The following RAB38 variants were observed in gnomAD, a reference collection of about 807,000 sequenced individuals.
RAB38 encodes the protein RAB38, member RAS oncogene family, also known as ras-related protein Rab-38.
RAB38 carries 15 observed loss-of-function variants against 18.4 expected under a neutral mutation model. The ratio of observed to expected loss-of-function variants is 0.82; its 90% confidence interval spans 0.55 to 1.26. RAB38 has a LOEUF of 1.26. Ranked by LOEUF, RAB38 falls within the 50% of genes most tolerant of loss-of-function variation. The pLI is 0.00. For synonymous variants in RAB38, 101 were observed against 104.4 expected (o/e 0.97, Z 0.20); for missense variants, 294 against 267.4 (o/e 1.10, Z -0.69).
chr11:87,828,062 G>A, the RAB38 span, among the ~76,000 whole-genome samples: 1 of 152,120 alleles, frequency 6.6e-6, no homozygotes, highest in African/African-American at 2.4e-5. Flanking sequence ...GGTAATATTA[G>A]TGTTAGCTGA....
the RAB38 span, among the ~76,000 whole-genome samples, chr11:88,075,885 A>C: frequency 3.6e-5 from 5 of 140,164 alleles, no homozygotes; most frequent in Non-Finnish European, 6.0e-5. Flanking sequence ...TGTCTCAAAA[A>C]AAAGAAAACA....
the RAB38 span, among the ~76,000 whole-genome samples, chr11:88,011,724 G>A: frequency 2.0e-5 from 3 of 152,132 alleles, no homozygotes; most frequent in African/African-American, 7.2e-5. Context: ...AGTTCTTCAA[G>A]ACAACCTCAT....
At chr11:88,023,990 A>C in the RAB38 span, among the ~76,000 whole-genome samples, 1 of 152,088 alleles carries the variant, frequency 6.6e-6, no homozygotes, top group East Asian at 1.9e-4. Context: ...TCTGGGCAAA[A>C]ATTTCTTGAG....
chr11:87,804,049 C>A, the RAB38 span, among the ~76,000 whole-genome samples: 1 of 152,174 alleles, frequency 6.6e-6, no homozygotes, highest in African/African-American at 2.4e-5. Flanking sequence ...ACTTGGGTGA[C>A]CAAAACCGTG....
the RAB38 span, among the ~76,000 whole-genome samples, chr11:88,044,377 T>C: frequency 9.1e-3 from 1,382 of 152,116 alleles, 67 homozygotes; most frequent in Non-Finnish European, 3.2e-3. Context: ...GTCTCTACTC[T>C]CTTTTCTCTG....
chr11:88,079,519 G>C, the RAB38 span, among the ~76,000 whole-genome samples: 1 of 151,640 alleles, frequency 6.6e-6, no homozygotes. Context: ...ACTCTTCTAA[G>C]AATTTGAAGA....
the RAB38 span, among the ~76,000 whole-genome samples, chr11:87,975,047 T>C: frequency 3.3e-5 from 5 of 151,982 alleles, no homozygotes; most frequent in Admixed American, 6.6e-5. Flanking sequence ...CTCCAGGTGA[T>C]TGCCAGCAAT....
the RAB38 span, among the ~76,000 whole-genome samples, chr11:87,952,937 T>C: frequency 8.6e-5 from 13 of 151,926 alleles, no homozygotes; most frequent in Non-Finnish European, 1.6e-4. Flanking sequence ...AGACAATAAG[T>C]ATTTTTCATG....
the RAB38 span, among the ~76,000 whole-genome samples, chr11:88,105,604 A>G: frequency 6.6e-6 from 1 of 152,132 alleles, no homozygotes; most frequent in Non-Finnish European, 1.5e-5. Flanking sequence ...GATTCTATGT[A>G]TAGGTTATGT....
At chr11:87,891,791 T>C in the RAB38 span, among the ~76,000 whole-genome samples, 1 of 151,856 alleles carries the variant, frequency 6.6e-6, no homozygotes, top group Non-Finnish European at 1.5e-5. Context: ...ACAGAAAGAA[T>C]ACAGGTCTTG....
chr11:88,072,450 T>C, the RAB38 span, among the ~76,000 whole-genome samples: 1 of 152,174 alleles, frequency 6.6e-6, no homozygotes, highest in African/African-American at 2.4e-5. Flanking sequence ...ATACTATCAA[T>C]GGTTTTATGC....
the RAB38 span, among the ~76,000 whole-genome samples, chr11:87,813,499 TCACACACA>T: frequency 0.01 from 1,514 of 146,942 alleles, 22 homozygotes; most frequent in African/African-American, 0.035. Flanking sequence ...ATCATACACA[TCACACACA>T]CACACACACA....
chr11:88,147,108 A>G (rs1204990604), intron 2 of RAB38, among the ~76,000 whole-genome samples: 1 of 152,220 alleles, frequency 6.6e-6, no homozygotes, highest in Non-Finnish European at 1.5e-5. Flanking sequence ...CCACAGATTC[A>G]TAGGCCTCTT....
downstream of RAB38, among the ~76,000 whole-genome samples, chr11:88,112,544 C>A (rs1490118146): frequency 6.6e-6 from 1 of 152,152 alleles, no homozygotes; most frequent in South Asian, 2.1e-4. Context: ...AGAGCTACCA[C>A]GTTTCCTCCA....
At chr11:88,049,220 G>A in the RAB38 span, among the ~76,000 whole-genome samples, 1 of 152,114 alleles carries the variant, frequency 6.6e-6, no homozygotes, top group Non-Finnish European at 1.5e-5. Flanking sequence ...AGACAGGAAT[G>A]TCAGGTGTCT....
At chr11:88,071,875 A>G in the RAB38 span, among the ~76,000 whole-genome samples, 7 of 152,226 alleles carry the variant, frequency 4.6e-5, no homozygotes, top group African/African-American at 1.7e-4. Flanking sequence ...GCTCTGGTGT[A>G]TTGAGACTAA....
At chr11:87,960,388 G>GAAAAGAAAAAAAAAAAAAAAAAA in the RAB38 span, among the ~76,000 whole-genome samples, 1 of 142,124 alleles carries the variant, frequency 7.0e-6, no homozygotes, top group Non-Finnish European at 1.5e-5. Flanking sequence ...ACAAAAAAAA[G>GAAAAGAAAAAAAAAAAAAAAAAA]AAAAAAAGAG....
At chr11:88,160,182 C>A (rs2134843336) in intron 1 of RAB38, among the ~76,000 whole-genome samples, 1 of 152,066 alleles carries the variant, frequency 6.6e-6, no homozygotes, top group East Asian at 1.9e-4. Flanking sequence ...ACAGACAGTT[C>A]TCAAAAGAAG....
chr11:88,100,375 A>C, the RAB38 span, among the ~76,000 whole-genome samples: 2 of 151,916 alleles, frequency 1.3e-5, no homozygotes, highest in Non-Finnish European at 2.9e-5. Flanking sequence ...GTGCCAGAAA[A>C]GAGGGAGTGG....
Sources: allele counts gnomAD v4.1 joint callset (sites outside exome capture counted in the v4.1 genomes callset), GRCh38; gene constraint gnomAD v4.1.1; transcripts MANE v1.5; gene names NCBI Gene and HGNC (gene_info 2026-07-23, HGNC 2026-07-21).